PGBD5: variants seen among roughly 807,000 people sequenced by gnomAD.
PGBD5 encodes piggyBac transposable element derived 5, also known as piggyBac transposable element-derived protein 5.
PGBD5 carries 14 observed loss-of-function variants against 47.9 expected under a neutral mutation model. The ratio of observed to expected loss-of-function variants is 0.29; its 90% confidence interval spans 0.19 to 0.46. PGBD5 has a LOEUF of 0.46. Ranked by LOEUF, PGBD5 falls within the 20% of genes least tolerant of loss-of-function variation. The pLI is 1.00. For missense variants in PGBD5, 635 were observed against 716.0 expected (o/e 0.89, Z 1.29); for synonymous variants, 316 against 306.3 (o/e 1.03, Z -0.33).
intron 1 of PGBD5, among the ~76,000 whole-genome samples, chr1:230,418,503 T>C (rs1008865009): frequency 4.6e-5 from 7 of 152,166 alleles, no homozygotes; most frequent in Non-Finnish European, 1.0e-4. Context: ...AAGAATGTTT[T>C]TCTTTTTTCT....
chr1:230,329,290 A>G (rs997011248), intron 5 of PGBD5, among the ~76,000 whole-genome samples: 1 of 152,172 alleles, frequency 6.6e-6, no homozygotes, highest in African/African-American at 2.4e-5. Flanking sequence ...AAAAGCCTGT[A>G]CATATGCTCA....
intron 1 of PGBD5, among the ~76,000 whole-genome samples, chr1:230,382,642 T>C (rs1656530790): frequency 6.6e-6 from 1 of 152,176 alleles, no homozygotes; most frequent in Non-Finnish European, 1.5e-5. Context: ...ACTAGGGTGG[T>C]TGGTCACCTG....
intron 1 of PGBD5, among the ~76,000 whole-genome samples, chr1:230,406,777 CA>C (rs1368991714): frequency 6.6e-6 from 1 of 152,154 alleles, no homozygotes; most frequent in Non-Finnish European, 1.5e-5. Flanking sequence ...GAGTTAAAAG[CA>C]AAAACTCAAC....
intron 1 of PGBD5, among the ~76,000 whole-genome samples, chr1:230,420,624 C>A (rs1443017534): frequency 6.6e-6 from 1 of 152,126 alleles, no homozygotes; most frequent in Non-Finnish European, 1.5e-5. Flanking sequence ...CTGGCAAATT[C>A]TCTCTCTTTG....
chr1:230,392,531 G>A (rs972323892), intron 1 of PGBD5, among the ~76,000 whole-genome samples: 2 of 152,154 alleles, frequency 1.3e-5, no homozygotes, highest in African/African-American at 2.4e-5. Context: ...TCTCCGGCTC[G>A]CAGGAGCCCT....
rs973525141 is a variant in PGBD5, at chr1:230,333,101, T to C, written c.1076-60A>G. 2.0e-5 allele frequency: 30 copies of C among 1,518,466 alleles called. No individual in the cohort carries two copies. In the South Asian group the frequency reaches 3.8e-4, roughly 19 times the overall value. The allele number at this position is 1,518,466 out of a possible 1,614,324, so 94.1% of individuals were successfully genotyped here. A position where few individuals can be genotyped will look rare whatever the true frequency, so the allele number is the denominator to read the frequency against. ...CACCATCGGAGATGCCGGCGGCTCC[T>C]CCGCCCTGGGCACCCCCAAGGAAAG... On this transcript the variant is annotated intron_variant, in intron 4 of 6. Transcript: ENST00000391860.
chr1:230,382,986 C>G (rs547918338), intron 1 of PGBD5, among the ~76,000 whole-genome samples: 139 of 152,254 alleles, frequency 9.1e-4, no homozygotes, highest in African/African-American at 3.2e-3. Flanking sequence ...GGCAGCTGTC[C>G]GGGCAATGGT....
intron 1 of PGBD5, among the ~76,000 whole-genome samples, chr1:230,376,302 G>A (rs1306564313): frequency 6.6e-6 from 1 of 152,146 alleles, no homozygotes; most frequent in African/African-American, 2.4e-5. Flanking sequence ...CTGTCTCAGA[G>A]GAGTCCTGTC....
At chr1:230,358,294 G>T (rs187911138) in intron 1 of PGBD5, among the ~76,000 whole-genome samples, 1 of 152,120 alleles carries the variant, frequency 6.6e-6, no homozygotes, top group African/African-American at 2.4e-5. Flanking sequence ...CACATAAGGG[G>T]AGGGAGGAGA....
chr1:230,371,851 G>A (rs530100125), intron 1 of PGBD5, among the ~76,000 whole-genome samples: 6 of 152,178 alleles, frequency 3.9e-5, no homozygotes, highest in East Asian at 3.9e-4. Context: ...ATTCCTTCCC[G>A]CATGATGCTG....
intron 3 of PGBD5, among the ~76,000 whole-genome samples, chr1:230,337,732 T>G (rs1667348790): frequency 6.6e-6 from 1 of 152,166 alleles, no homozygotes; most frequent in East Asian, 1.9e-4. Flanking sequence ...TTCTTTATAG[T>G]AACCCCCATC....
At chr1:230,381,900 A>G (rs1431203744) in intron 1 of PGBD5, among the ~76,000 whole-genome samples, 4 of 151,900 alleles carry the variant, frequency 2.6e-5, no homozygotes, top group Non-Finnish European at 1.5e-5. Context: ...CTCCCATCCT[A>G]CATCCACTCT....
chr1:230,357,070 T>TGTA lies in PGBD5; in HGVS notation c.580_582dup (p.Tyr194dup). ...ATGACGAGGGCGAGGCTGCGGTTGCTGTAGAAGCCTCCGCTCCAGATGCTG... is the reference window on the plus strand; with the variant it reads ...ATGACGAGGGCGAGGCTGCGGTTGCTGTAGTAGAAGCCTCCGCTCCAGATGCTG... On this transcript the variant is annotated inframe_insertion, in exon 2 of 7. Coordinates refer to ENST00000391860, the MANE Select transcript of PGBD5 (RefSeq NM_001258311.2). This position sits in a 1 kb window ranked among gnomAD's most constrained non-coding sequence, Gnocchi z 5.7. 6.2e-7 allele frequency: 1 copy of TGTA among 1,614,178 alleles called. No individual in the cohort carries two copies. The highest frequency in any genetic ancestry group is 8.5e-7 in the Non-Finnish European group (1 of 1,180,028).
In PGBD5 at chr1:230,333,001, GTCACTCTTCC is replaced by G; in HGVS notation, c.1106_1115del (p.Arg369ProfsTer10). The G allele has an allele frequency of 6.2e-7, 1 of 1,612,440 alleles. No homozygotes were observed. Among genetic ancestry groups the G allele is most frequent in the Non-Finnish European group, 8.5e-7 (1 of 1,179,264 alleles). ...GCATGGACAGTGGGAGGCCGGTGCAGTCACTCTTCCGCGCGCGGAGCAAGCCGCAGCAGTA... is the reference window on the plus strand; with the variant it reads ...GCATGGACAGTGGGAGGCCGGTGCAGGCGCGCGGAGCAAGCCGCAGCAGTA... On this transcript the variant is annotated frameshift_variant, in exon 5 of 7. Transcript: ENST00000391860. LOFTEE classifies it high-confidence loss of function.
intron 1 of PGBD5, among the ~76,000 whole-genome samples, chr1:230,422,671 C>T (rs1473097254): frequency 1.3e-5 from 2 of 152,142 alleles, no homozygotes; most frequent in Non-Finnish European, 1.5e-5. Flanking sequence ...GGGCAAGGGC[C>T]CTCTCCACCC....
At chr1:230,402,034 G>A (rs1224328660) in intron 1 of PGBD5, among the ~76,000 whole-genome samples, 1 of 152,212 alleles carries the variant, frequency 6.6e-6, no homozygotes, top group Non-Finnish European at 1.5e-5. Context: ...CCAGGAAGTG[G>A]TGGGTGACAG....
intron 2 of PGBD5, among the ~76,000 whole-genome samples, chr1:230,356,526 G>C (rs765641940): frequency 2.0e-5 from 3 of 152,088 alleles, no homozygotes; most frequent in African/African-American, 7.2e-5. Flanking sequence ...GCCTCCTTTC[G>C]TCACCAACAG....
chr1:230,401,129 T>C (rs546383919), intron 1 of PGBD5, among the ~76,000 whole-genome samples: 104 of 152,316 alleles, frequency 6.8e-4, no homozygotes, highest in Non-Finnish European at 1.1e-3. Flanking sequence ...CCTACGCAGA[T>C]GGTCAGGACA....
intron 3 of PGBD5, among the ~76,000 whole-genome samples, chr1:230,346,194 G>A (rs547042559): frequency 5.9e-5 from 9 of 152,080 alleles, no homozygotes; most frequent in Non-Finnish European, 8.8e-5. Flanking sequence ...AGATGTGTGC[G>A]ACCACACTCA....
Sources: gnomAD v4.1 joint callset for allele counts (sites outside exome capture counted in the v4.1 genomes callset) on GRCh38, gnomAD v4.1.1 for gene constraint, Gnocchi (gnomAD v3.1) non-coding constraint, MANE v1.5 for transcripts, NCBI Gene and HGNC (gene_info 2026-07-23, HGNC 2026-07-21) for gene names.